Variants in UNC79 observed in about 807,000 individuals in gnomAD.
UNC79 encodes the protein unc-79 subunit of NALCN channel complex, also known as protein unc-79 homolog.
A neutral mutation model predicts 283.1 loss-of-function variants in UNC79; 37 were observed. The observed-to-expected ratio is 0.13, with a 90% CI of 0.10 to 0.17. The LOEUF is 0.17. Ranked by LOEUF, UNC79 falls within the 10% of genes least tolerant of loss-of-function variation. UNC79 has a pLI of 1.00. For synonymous variants in UNC79, 1,107 were observed against 1,200.2 expected, an observed-to-expected ratio of 0.92 and a Z score of 1.61; for missense variants, 2,272 against 3,211.1, an observed-to-expected ratio of 0.71 and a Z score of 7.07.
rs2140913003 is a variant in UNC79, at chr14:93,688,593, T to G, written c.6910-72T>G. 1.9e-6 allele frequency: 3 copies of G among 1,540,186 alleles called. No individual in the cohort carries two copies. The South Asian group carries it at 3.8e-5, about 19-fold the overall frequency. On this transcript the variant is annotated intron_variant, in intron 43 of 48. Transcript: ENST00000555664. This position sits in a 1 kb window ranked among gnomAD's most constrained non-coding sequence, Gnocchi z 4.0. ...TAAGCGGGGTGGAAATGACAACCTC[T>G]TCTTTTCAAAGAATGGCCTGGAATG...
intron 26 of UNC79, among the ~76,000 whole-genome samples, chr14:93,607,386 G>T (rs1289660483): frequency 6.6e-6 from 1 of 152,168 alleles, no homozygotes; most frequent in Non-Finnish European, 1.5e-5. Flanking sequence ...CTAATGTAGT[G>T]AGGGATTAAG....
chr14:93,445,242 C>T (rs1426929191), intron 1 of UNC79, among the ~76,000 whole-genome samples: 2 of 152,132 alleles, frequency 1.3e-5, no homozygotes, highest in Non-Finnish European at 2.9e-5. Flanking sequence ...CACTGTTACG[C>T]CATTTGTGAA....
At chr14:93,577,935 C>T (rs757990053) in exon 18 of UNC79, 3 of 1,614,160 alleles carry the variant, frequency 1.9e-6, no homozygotes, top group African/African-American at 1.3e-5. Context: ...GAGTCCTTTG[C>T]GTAGTCCGTT....
At chr14:93,649,857 A>G (rs2070053832) in intron 35 of UNC79, among the ~76,000 whole-genome samples, 1 of 152,220 alleles carries the variant, frequency 6.6e-6, no homozygotes, top group Non-Finnish European at 1.5e-5. Flanking sequence ...AAGTGCACAA[A>G]TCTTAAGTGT....
At chr14:93,525,670 T>A (rs1221553937) in intron 8 of UNC79, among the ~76,000 whole-genome samples, 1 of 152,152 alleles carries the variant, frequency 6.6e-6, no homozygotes, top group Non-Finnish European at 1.5e-5. Flanking sequence ...GGTTCCTTCT[T>A]ATTATCCTTC....
At chr14:93,534,877 C>G (rs1024815344) in intron 11 of UNC79, among the ~76,000 whole-genome samples, 5 of 152,258 alleles carry the variant, frequency 3.3e-5, no homozygotes, top group African/African-American at 1.2e-4. Flanking sequence ...TATTGCTTAT[C>G]CTTTAATAAA....
rs554961348 is a variant in UNC79 at position 93,510,211 on chromosome 14, C to T, written c.898+12925C>T. ...GTGGGGCCCTGCCCATGAAACCATTCTTCCCTCCTAGGCCTTGGGGCCTGC... is the reference window on the plus strand; with the variant it reads ...GTGGGGCCCTGCCCATGAAACCATTTTTCCCTCCTAGGCCTTGGGGCCTGC... On this transcript the variant is annotated intron_variant, in intron 7 of 48. Coordinates refer to ENST00000555664, the Ensembl canonical transcript of UNC79. Among the ~76,000 whole-genome samples, 62 of 152,344 alleles carry T rather than the reference C, an allele frequency of 4.1e-4. No homozygotes were observed. In the South Asian group the frequency reaches 0.013, roughly 31 times the overall value.
intron 41 of UNC79, 114 bp from the exon 45 acceptor site, chr14:93,682,503 C>T: frequency 1.1e-6 from 1 of 885,476 alleles, no homozygotes; most frequent in Non-Finnish European, 1.8e-6. Context: ...CTATCCAAGG[C>T]AGATCGTCAT....
chr14:93,634,456 G>A, intron 31 of UNC79, 65 bp from the exon 34 acceptor site: 1 of 1,168,510 alleles, frequency 8.6e-7, no homozygotes, highest in Non-Finnish European at 1.3e-6. Context: ...CTATATGGAT[G>A]TGTGGAGCCT....
intron 1 of UNC79, among the ~76,000 whole-genome samples, chr14:93,418,836 A>G: frequency 6.6e-6 from 1 of 151,826 alleles, no homozygotes; most frequent in Non-Finnish European, 1.5e-5. Context: ...CAGGTGCGCA[A>G]TATAATCTCC....
intron 15 of UNC79, 133 bp from the exon 16 acceptor site, chr14:93,572,560 T>A: frequency 7.7e-7 from 1 of 1,290,976 alleles, no homozygotes; most frequent in South Asian, 1.5e-5. Context: ...AATATGCTGA[T>A]AACAGTTCAG....
intron 14 of UNC79, among the ~76,000 whole-genome samples, chr14:93,567,548 C>T (rs185890838): frequency 6.6e-6 from 1 of 152,106 alleles, no homozygotes; most frequent in East Asian, 1.9e-4. Context: ...TTCTGTCCGT[C>T]ACTTTCCTTT....
chr14:93,484,595 T>C (rs951374599), intron 4 of UNC79, among the ~76,000 whole-genome samples: 1 of 152,212 alleles, frequency 6.6e-6, no homozygotes, highest in East Asian at 1.9e-4. Context: ...GAACTTTTAA[T>C]TGTATTTCCT....
At chr14:93,431,835 A>G (rs953274725) in intron 1 of UNC79, among the ~76,000 whole-genome samples, 2 of 152,192 alleles carry the variant, frequency 1.3e-5, no homozygotes, top group East Asian at 1.9e-4. Context: ...TATGGTTCCC[A>G]TAGTCTGTCT....
rs551414923 is a variant in UNC79 at position 93,694,041 on chromosome 14, C to G, written c.7471-294C>G. On this transcript the variant is annotated intron_variant, in intron 46 of 48. Transcript: ENST00000555664. ...ATGAAGGCAACAGAGGCCATTTATC[C>G]CCTGGTGTGAGTCAGTGCAGTGCAG... 3.3e-5 allele frequency among the ~76,000 whole-genome samples: 5 copies of G among 152,258 alleles called. No homozygotes were observed. The South Asian group carries it at 1.0e-3, about 32-fold the overall frequency.
chr14:93,625,819 T>C (rs1287868009), intron 30 of UNC79, among the ~76,000 whole-genome samples: 1 of 152,214 alleles, frequency 6.6e-6, no homozygotes, highest in African/African-American at 2.4e-5. Context: ...CAGCTTTCCC[T>C]CTACCAGTAC....
At chr14:93,611,495 C>T (rs937125108) in intron 26 of UNC79, among the ~76,000 whole-genome samples, 1 of 152,178 alleles carries the variant, frequency 6.6e-6, no homozygotes, top group Non-Finnish European at 1.5e-5. Flanking sequence ...GACCTTCATG[C>T]TCCTATCCCA....
In UNC79 at chr14:93,479,558, A is replaced by G. The variant is rs112198146; in HGVS notation, c.619+1830A>G. Reference sequence around the variant, plus strand: ...GGTGATCCACCCGCCTCAGCCTCCCAAAGTGCTGGGATTACAGGCGTGAGC... The same window carrying G: ...GGTGATCCACCCGCCTCAGCCTCCCGAAGTGCTGGGATTACAGGCGTGAGC... On this transcript the variant is annotated intron_variant, in intron 4 of 48. Transcript: ENST00000555664. Among the ~76,000 whole-genome samples the G allele has an allele frequency of 7.4e-3, 1,114 of 151,212 alleles. 13 individuals are homozygous for G. The highest frequency in any genetic ancestry group is 0.025 in the African/African-American group (1,046 of 41,142).
chr14:93,455,196 C>A (rs1390891473), intron 1 of UNC79, among the ~76,000 whole-genome samples: 1 of 152,190 alleles, frequency 6.6e-6, no homozygotes, highest in Non-Finnish European at 1.5e-5. Context: ...TCCTCTTCCA[C>A]AACCCTTCAT....
Sources: gnomAD v4.1 joint callset for allele counts (sites outside exome capture counted in the v4.1 genomes callset) on GRCh38, gnomAD v4.1.1 for gene constraint, Gnocchi (gnomAD v3.1) non-coding constraint, MANE v1.5 for transcripts, NCBI Gene and HGNC (gene_info 2026-07-23, HGNC 2026-07-21) for gene names.